Variants in TSGA10 observed in about 807,000 individuals in gnomAD.
The protein encoded by TSGA10 is testis-specific gene 10 protein.
Under a neutral mutation model 96.6 loss-of-function variants are expected in TSGA10, and 43 were observed. The observed-to-expected ratio is 0.44, with a 90% CI of 0.35 to 0.57. TSGA10 has a LOEUF of 0.57. Among genes scored for constraint, TSGA10 ranks in the 20% least tolerant of loss-of-function variants. The probability of loss-of-function intolerance (pLI) is 0.01; values close to 1 mark genes in which losing one functional copy is unlikely to be tolerated. For missense variants in TSGA10, 703 were observed against 834.4 expected (o/e 0.84, Z 1.94); for synonymous variants, 229 against 269.9 (o/e 0.85, Z 1.48).
At chr2:99,035,730 T>C (rs1215147090) in intron 16 of TSGA10, among the ~76,000 whole-genome samples, 1 of 151,810 alleles carries the variant, frequency 6.6e-6, no homozygotes, top group Non-Finnish European at 1.5e-5. Context: ...GCCCCAAAAC[T>C]AGTTGAGATA....
At position 99,018,574 on chromosome 2, in the gene TSGA10, G is replaced by A; in HGVS notation, c.1884C>T (p.Asp628=). The change falls in exon 19 of 21, where the codon GAC becomes GAT. Residue 628 remains aspartate (D), a synonymous_variant. Coordinates refer to ENST00000393483, the MANE Select transcript of TSGA10 (RefSeq NM_025244.4). The part of the protein sequence containing the change: ...NVVTQLEADL[D]ITKRQLGTER... ...CTGTTCCTAGTTGTCTTTTGGTAATGTCTAAATCAGCTTCCAATTGTGTGA... is the reference window on the plus strand; with the variant it reads ...CTGTTCCTAGTTGTCTTTTGGTAATATCTAAATCAGCTTCCAATTGTGTGA... 1.2e-6 allele frequency: 2 copies of A among 1,613,982 alleles called. No homozygotes were observed. Among genetic ancestry groups the A allele is most frequent in the Non-Finnish European group, 8.5e-7 (1 of 1,179,968 alleles).
At chr2:99,083,575 TG>T (rs1482684067) in intron 10 of TSGA10, among the ~76,000 whole-genome samples, 1 of 152,206 alleles carries the variant, frequency 6.6e-6, no homozygotes, top group Non-Finnish European at 1.5e-5. Flanking sequence ...AAAATCAAAA[TG>T]TCCCTCACCA....
chr2:99,125,268 C>A (rs1281451976), intron 2 of TSGA10: 1 of 152,170 alleles, frequency 6.6e-6, no homozygotes. Context: ...CTTATCCATT[C>A]ATCTATTGAA....
intron 16 of TSGA10, among the ~76,000 whole-genome samples, chr2:99,058,951 T>C (rs892714309): frequency 6.6e-6 from 1 of 150,538 alleles, no homozygotes; most frequent in Non-Finnish European, 1.5e-5. Context: ...GCAGGAGAAT[T>C]GCTTGACCCA....
At chr2:99,103,905 C>T in intron 10 of TSGA10, 62 bp downstream of exon 10, 2 of 1,540,704 alleles carry the variant, frequency 1.3e-6, no homozygotes, top group South Asian at 1.2e-5. Flanking sequence ...ATAAAATACA[C>T]TATAAAAAGC....
At chr2:99,092,497 T>C (rs973014309) in intron 10 of TSGA10, among the ~76,000 whole-genome samples, 2 of 152,012 alleles carry the variant, frequency 1.3e-5, no homozygotes, top group African/African-American at 4.8e-5. Context: ...AGCCAGTTCT[T>C]TGAAAAGATA....
At position 99,108,959 on chromosome 2, in the gene TSGA10, T is replaced by C. The variant is rs777514555; in HGVS notation, c.84A>G (p.Thr28=). 4 of 1,594,624 alleles carry C rather than the reference T, an allele frequency of 2.5e-6. No homozygotes were observed. Among genetic ancestry groups the C allele is most frequent in the Non-Finnish European group, 3.4e-6 (4 of 1,174,596 alleles). ...GANCDVELLK[T]TTRDREELKC... ...TAAGTTCTTCACGATCTCTTGTTGT[T>C]GTCTTCAAAAGTTCTACATCACAGT... The change falls in exon 7 of 21, where the codon ACA becomes ACG. Residue 28 remains threonine (T), a synonymous_variant. Coordinates refer to ENST00000393483, the MANE Select transcript of TSGA10 (RefSeq NM_025244.4).
intron 16 of TSGA10, among the ~76,000 whole-genome samples, chr2:99,048,615 A>C (rs1437222401): frequency 6.6e-6 from 1 of 152,248 alleles, no homozygotes; most frequent in Non-Finnish European, 1.5e-5. Context: ...TAAGATCTAA[A>C]GCCATAAAAA....
chr2:99,069,129 AAAAAG>A (rs1305115834), intron 14 of TSGA10, 131 bp from the exon 15 acceptor site: 1 of 430,784 alleles, frequency 2.3e-6, no homozygotes, highest in African/African-American at 2.1e-5. Context: ...ACTCATATAA[AAAAAG>A]AAAACACATA....
At chr2:99,135,303 G>T (rs1156945567) in intron 1 of TSGA10, among the ~76,000 whole-genome samples, 1 of 152,172 alleles carries the variant, frequency 6.6e-6, no homozygotes, top group Non-Finnish European at 1.5e-5. Flanking sequence ...ATCTAGAGAG[G>T]CAGTCTGGCT....
In TSGA10 at chr2:99,078,686, T is replaced by G. The variant is rs774900253; in HGVS notation, c.855A>C (p.Ala285=). The G allele has an allele frequency of 1.9e-6, 3 of 1,613,662 alleles. No individual in the cohort carries two copies. The highest frequency in any genetic ancestry group is 2.5e-6 in the Non-Finnish European group (3 of 1,179,860). ...ACLDKKSENI[A]SLGESLAMKE... is the part of the protein sequence containing the mutation. ...TCATTGCCAAACTCTCTCCAAGGGA[T>G]GCAATATTCTCAGATTTTTTATCCA... Residue 285 remains alanine (A), a synonymous_variant, in exon 12 of 21, where the codon GCA becomes GCC. Coordinates refer to ENST00000393483, the MANE Select transcript of TSGA10 (RefSeq NM_025244.4).
chr2:99,122,616 A>C (rs1178009263), intron 2 of TSGA10, among the ~76,000 whole-genome samples: 1 of 112,772 alleles, frequency 8.9e-6, no homozygotes, highest in South Asian at 2.6e-4. Flanking sequence ...CATCTCTACC[A>C]AAAAAAAAAA....
chr2:99,135,401 A>G (rs1574667073), intron 1 of TSGA10, among the ~76,000 whole-genome samples: 1 of 152,220 alleles, frequency 6.6e-6, no homozygotes, highest in African/African-American at 2.4e-5. Flanking sequence ...TGCAGAAATC[A>G]CCTGCCTTCT....
At chr2:99,063,592 C>A (rs568801462) in intron 16 of TSGA10, among the ~76,000 whole-genome samples, 2 of 151,978 alleles carry the variant, frequency 1.3e-5, no homozygotes, top group Non-Finnish European at 2.9e-5. Context: ...ATCATGAGGT[C>A]AAGAGATCGA....
At chr2:99,063,374 A>G in intron 16 of TSGA10, among the ~76,000 whole-genome samples, 1 of 152,330 alleles carries the variant, frequency 6.6e-6, no homozygotes, top group African/African-American at 2.4e-5. Flanking sequence ...TATTGATAAT[A>G]ATTCTGAGTA....
chr2:99,002,667 T>G (rs1248961342), intron 20 of TSGA10, among the ~76,000 whole-genome samples: 1 of 152,000 alleles, frequency 6.6e-6, no homozygotes, highest in African/African-American at 2.4e-5. Context: ...GGCTAAATAC[T>G]CCAATTAAAA....
rs150681445 is a variant in TSGA10, at chr2:99,017,258, T to C, written c.2072+942A>G. On this transcript the variant is annotated intron_variant, in intron 20 of 20. Transcript: ENST00000393483. ...TGCAAAAATATGGAACCAGCCTAAATGCCCATTGACCAACAAGTGGATAAA... is the reference window on the plus strand; with the variant it reads ...TGCAAAAATATGGAACCAGCCTAAACGCCCATTGACCAACAAGTGGATAAA... 1.8e-3 allele frequency among the ~76,000 whole-genome samples: 277 copies of C among 152,322 alleles called. 9 individuals carry two copies. The East Asian group carries it at 0.05, about 27-fold the overall frequency.
chr2:99,058,406 G>A (rs2084246951), intron 16 of TSGA10, among the ~76,000 whole-genome samples: 1 of 151,934 alleles, frequency 6.6e-6, no homozygotes, highest in Admixed American at 6.6e-5. Context: ...TAAAACCAAT[G>A]ACCTAAGCAC....
At chr2:99,039,894 C>G (rs1423784075) in intron 16 of TSGA10, among the ~76,000 whole-genome samples, 1 of 152,034 alleles carries the variant, frequency 6.6e-6, no homozygotes, top group Non-Finnish European at 1.5e-5. Flanking sequence ...TAGCCGAATC[C>G]AACAGCATAA....
Sources: gnomAD v4.1 joint callset for allele counts (sites outside exome capture counted in the v4.1 genomes callset) on GRCh38, gnomAD v4.1.1 for gene constraint, MANE v1.5 for transcripts, NCBI Gene and HGNC (gene_info 2026-07-23, HGNC 2026-07-21) for gene names.